Variants in ATP8A2 observed in about 807,000 individuals in gnomAD.
ATP8A2 encodes the protein ATPase phospholipid transporting 8A2.
ATP8A2 carries 100 observed loss-of-function variants against 165.6 expected under a neutral mutation model. The observed-to-expected ratio is 0.60, with a 90% confidence interval of 0.51 to 0.71. ATP8A2 has a LOEUF of 0.71. Ranked by LOEUF, ATP8A2 falls within the 30% of genes least tolerant of loss-of-function variation. The pLI is 0.00. For synonymous variants in ATP8A2, 543 were observed against 548.8 expected (o/e 0.99, Z 0.15); for missense variants, 1,227 against 1,479.5 (o/e 0.83, Z 2.80).
intron 28 of ATP8A2, among the ~76,000 whole-genome samples, chr13:25,830,317 T>C (rs1028254945): frequency 2.0e-5 from 3 of 152,164 alleles, no homozygotes; most frequent in Non-Finnish European, 2.9e-5. Flanking sequence ...TTTCTAGTTA[T>C]TGTTATGCAT....
At chr13:25,845,520 A>G (rs1442915259) in intron 30 of ATP8A2, among the ~76,000 whole-genome samples, 1 of 152,224 alleles carries the variant, frequency 6.6e-6, no homozygotes, top group Non-Finnish European at 1.5e-5. Context: ...GGAGAATACC[A>G]TACGGATTCT....
chr13:25,752,593 A>C (rs1466906763), intron 25 of ATP8A2, among the ~76,000 whole-genome samples: 2 of 152,194 alleles, frequency 1.3e-5, no homozygotes. Flanking sequence ...AAGAATGGAC[A>C]TATGCTGACT....
chr13:25,970,700 A>G (rs1955892569), intron 35 of ATP8A2, among the ~76,000 whole-genome samples: 1 of 152,172 alleles, frequency 6.6e-6, no homozygotes, highest in African/African-American at 2.4e-5. Context: ...GACCCATCTC[A>G]GGTGTGTAAA....
intron 16 of ATP8A2, among the ~76,000 whole-genome samples, chr13:25,570,468 A>G (rs2039433842): frequency 6.6e-6 from 1 of 152,144 alleles, no homozygotes; most frequent in Non-Finnish European, 1.5e-5. Flanking sequence ...GCTCCTGGGG[A>G]GGCAGGGTGT....
chr13:25,567,324 C>T (rs1323713094), intron 16 of ATP8A2: 3 of 456,626 alleles, frequency 6.6e-6, no homozygotes, highest in African/African-American at 6.0e-5. Flanking sequence ...CCCCTACCCA[C>T]TGCTTTTTCC....
At position 25,860,196 on chromosome 13, in the gene ATP8A2, T is replaced by C. The variant is rs373210472; in HGVS notation, c.2958T>C (p.Asp986=). ...AATAGTAACTTCTTTGTTTTTCAGA[T>C]ACTGTGTTGACAAGTGGTCATGCTA... ...FWFPMKALEH[D]TVLTSGHATD... Residue 986 remains aspartate, a splice_region_variant and synonymous_variant, in exon 31 of 37, where the codon GAT becomes GAC. Transcript: ENST00000381655. 6.2e-7 allele frequency: 1 copy of C among 1,609,544 alleles called. No homozygotes were observed. Among genetic ancestry groups the C allele is most frequent in the Non-Finnish European group, 8.5e-7 (1 of 1,176,256 alleles).
chr13:25,465,269 T>G (rs2035603825), intron 1 of ATP8A2, among the ~76,000 whole-genome samples: 1 of 152,036 alleles, frequency 6.6e-6, no homozygotes, highest in South Asian at 2.1e-4. Context: ...TAATACAGGG[T>G]TAGGTTGAGA....
chr13:25,810,044 A>C (rs1950827129), intron 27 of ATP8A2, among the ~76,000 whole-genome samples: 1 of 152,178 alleles, frequency 6.6e-6, no homozygotes, highest in African/African-American at 2.4e-5. Flanking sequence ...AAGTTGCATC[A>C]GTTCCATTTG....
intron 24 of ATP8A2, among the ~76,000 whole-genome samples, chr13:25,641,784 CTG>C (rs2041529165): frequency 1.3e-5 from 2 of 151,904 alleles, no homozygotes; most frequent in African/African-American, 4.8e-5. Context: ...AAAAAAGAGC[CTG>C]CATTGCCAAG....
intron 15 of ATP8A2, among the ~76,000 whole-genome samples, chr13:25,562,047 C>T (rs971730548): frequency 1.3e-5 from 2 of 152,158 alleles, no homozygotes; most frequent in Admixed American, 1.3e-4. Flanking sequence ...TTGCTTCCAC[C>T]TTTTGGCTAC....
intron 27 of ATP8A2, among the ~76,000 whole-genome samples, chr13:25,787,117 G>A (rs1011186118): frequency 2.0e-5 from 3 of 152,158 alleles, no homozygotes; most frequent in African/African-American, 7.2e-5. Flanking sequence ...ACATAAACCA[G>A]TGCCATCACC....
At position 25,560,541 on chromosome 13, in the gene ATP8A2, A is replaced by G. The variant is rs376260880; in HGVS notation, c.1397+776A>G. Among the ~76,000 whole-genome samples, 103 of 151,704 alleles carry G rather than the reference A, an allele frequency of 6.8e-4. No homozygotes were observed. The East Asian group carries it at 0.02, about 29-fold the overall frequency. ...ATGGTGAAACCCTGTCTCTACTAAA[A>G]ATACAAAAATTAGCTGGATGTGGTG... On this transcript the variant is annotated intron_variant, in intron 15 of 36. Transcript: ENST00000381655.
intron 33 of ATP8A2, among the ~76,000 whole-genome samples, chr13:25,941,410 C>T (rs1955068987): frequency 6.6e-6 from 1 of 152,128 alleles, no homozygotes; most frequent in Admixed American, 6.5e-5. Flanking sequence ...CCATGCATGG[C>T]CTAAACCCAA....
At chr13:25,896,556 G>T (rs1347785760) in intron 33 of ATP8A2, among the ~76,000 whole-genome samples, 1 of 152,132 alleles carries the variant, frequency 6.6e-6, no homozygotes, top group Non-Finnish European at 1.5e-5. Context: ...GGTCTGCTTG[G>T]TGCAGAGCTG....
intron 33 of ATP8A2, among the ~76,000 whole-genome samples, chr13:25,869,105 G>C (rs1047383960): frequency 6.7e-6 from 1 of 149,002 alleles, no homozygotes; most frequent in African/African-American, 2.5e-5. Context: ...CTTTTAATTG[G>C]TAATAAAGAA....
At chr13:25,427,765 G>A (rs2034492042) in intron 1 of ATP8A2, among the ~76,000 whole-genome samples, 1 of 152,094 alleles carries the variant, frequency 6.6e-6, no homozygotes, top group Admixed American at 6.6e-5. Flanking sequence ...ATGGTGGCAG[G>A]TGCTTGTAGT....
intron 2 of ATP8A2, among the ~76,000 whole-genome samples, chr13:25,509,322 G>A (rs2037145788): frequency 6.6e-6 from 1 of 151,988 alleles, no homozygotes; most frequent in African/African-American, 2.4e-5. Flanking sequence ...GATAAGTTGT[G>A]GAGCTGAAAG....
chr13:25,415,656 A>T (rs1382246702), intron 1 of ATP8A2, among the ~76,000 whole-genome samples: 1 of 152,008 alleles, frequency 6.6e-6, no homozygotes, highest in Admixed American at 6.6e-5. Context: ...ACACGCGCAC[A>T]CTGGCTTCCT....
At chr13:25,444,128 T>C (rs1400571546) in intron 1 of ATP8A2, among the ~76,000 whole-genome samples, 3 of 152,240 alleles carry the variant, frequency 2.0e-5, no homozygotes, top group Non-Finnish European at 4.4e-5. Flanking sequence ...ATCACTGTTC[T>C]GATTTTTCTC....
Sources: gnomAD v4.1 joint callset for allele counts (sites outside exome capture counted in the v4.1 genomes callset) on GRCh38, gnomAD v4.1.1 for gene constraint, MANE v1.5 for transcripts, NCBI Gene and HGNC (gene_info 2026-07-23, HGNC 2026-07-21) for gene names.